IRF2: variants seen among roughly 807,000 people sequenced by gnomAD.
IRF2 encodes the protein interferon regulatory factor 2.
In IRF2, 15 loss-of-function variants were observed where a neutral mutation model predicts 40.6. That is an observed-to-expected ratio of 0.37 (90% CI 0.25 to 0.57). The LOEUF (loss-of-function observed/expected upper bound fraction) is 0.57. Ranked by LOEUF, IRF2 falls within the 20% of genes least tolerant of loss-of-function variation. IRF2 has a pLI of 0.77. For synonymous variants in IRF2, 151 were observed against 165.5 expected (o/e 0.91, Z 0.67); for missense variants, 317 against 455.7 (o/e 0.70, Z 2.77).
chr4:184,399,967 C>T (rs1736609098), intron 6 of IRF2, among the ~76,000 whole-genome samples: 2 of 152,200 alleles, frequency 1.3e-5, no homozygotes, highest in Non-Finnish European at 2.9e-5. Flanking sequence ...TTATAGGCTA[C>T]AAAGCTAGAA....
chr4:184,462,154 G>A (rs993190688), intron 1 of IRF2, among the ~76,000 whole-genome samples: 7 of 152,180 alleles, frequency 4.6e-5, no homozygotes, highest in Admixed American at 4.6e-4. Flanking sequence ...TCTGTCAGTT[G>A]CAAATCCCCA....
intron 6 of IRF2, among the ~76,000 whole-genome samples, 192 bp downstream of exon 6, chr4:184,407,966 C>T (rs1178447717): frequency 8.3e-6 from 1 of 119,840 alleles, no homozygotes; most frequent in African/African-American, 3.7e-5. Flanking sequence ...GCTGACCCGT[C>T]TAAGTTCCTT....
At chr4:184,454,549 C>T (rs1360457097) in intron 1 of IRF2, among the ~76,000 whole-genome samples, 1 of 152,184 alleles carries the variant, frequency 6.6e-6, no homozygotes, top group Non-Finnish European at 1.5e-5. Flanking sequence ...TGGAAGATAC[C>T]TACTGCCTCT....
At chr4:184,473,618 AGGCCCGGCGCCC>A (rs1739609676) in intron 1 of IRF2, among the ~76,000 whole-genome samples, 1 of 147,232 alleles carries the variant, frequency 6.8e-6, no homozygotes, top group East Asian at 2.0e-4. Flanking sequence ...CGCGTCGGCC[AGGCCCGGCGCCC>A]GGCCCGGCTC....
At chr4:184,461,817 C>T (rs914066574) in intron 1 of IRF2, among the ~76,000 whole-genome samples, 1 of 152,004 alleles carries the variant, frequency 6.6e-6, no homozygotes, top group African/African-American at 2.4e-5. Flanking sequence ...TTCAATTCAC[C>T]CTGACTTCAC....
At chr4:184,462,765 C>T (rs959813398) in intron 1 of IRF2, among the ~76,000 whole-genome samples, 4 of 152,166 alleles carry the variant, frequency 2.6e-5, no homozygotes, top group Non-Finnish European at 5.9e-5. Flanking sequence ...TACAAAGTAA[C>T]AAATCCTAAT....
intron 6 of IRF2, among the ~76,000 whole-genome samples, chr4:184,404,375 T>G (rs1456607478): frequency 6.6e-6 from 1 of 152,186 alleles, no homozygotes; most frequent in Non-Finnish European, 1.5e-5. Context: ...ATCAAATATA[T>G]TTTAATATGA....
chr4:184,407,176 A>G lies in IRF2; in HGVS notation c.529+982T>C, dbSNP rs529094182. On this transcript the variant is annotated intron_variant, in intron 6 of 8. Coordinates refer to ENST00000393593, the MANE Select transcript of IRF2 (RefSeq NM_002199.4). ...GTTTAAATACAAAAAAAGCACTGCT[A>G]ACCTCGGCAAGAGGCCAGCGGAGGC... 77 of 1,288,992 alleles carry G rather than the reference A, an allele frequency of 6.0e-5. No homozygotes were observed. The African/African-American group carries it at 1.1e-3, about 18-fold the overall frequency. 79.8% of individuals were successfully genotyped at this position (1,288,992 alleles called of 1,614,324 possible).
At chr4:184,418,402 C>T (rs868031476) in intron 4 of IRF2, 130 bp downstream of exon 4, 27 of 973,114 alleles carry the variant, frequency 2.8e-5, no homozygotes, top group African/African-American at 6.4e-5. Flanking sequence ...CAGGTAGGGG[C>T]GGAATGATCC....
chr4:184,451,095 T>C (rs1206233438), intron 1 of IRF2, among the ~76,000 whole-genome samples: 1 of 152,214 alleles, frequency 6.6e-6, no homozygotes, highest in Non-Finnish European at 1.5e-5. Flanking sequence ...ACGTGAGAAG[T>C]TGAAAAGCAC....
At chr4:184,397,993 G>C (rs1736528463) in intron 7 of IRF2, among the ~76,000 whole-genome samples, 1 of 152,180 alleles carries the variant, frequency 6.6e-6, no homozygotes, top group South Asian at 2.1e-4. Context: ...ATGTAGCCAA[G>C]TCCCTGGAGA....
At position 184,461,255 on chromosome 4, in the gene IRF2, C is replaced by T. The variant is rs978388390; in HGVS notation, c.-7+13124G>A. ...GAGAATTGTGGAAAAACAGAAAGAACAACAAAACAATATGTTGTTCTATGC... is the reference window on the plus strand; with the variant it reads ...GAGAATTGTGGAAAAACAGAAAGAATAACAAAACAATATGTTGTTCTATGC... On this transcript the variant is annotated intron_variant, in intron 1 of 8. Transcript: ENST00000393593. 4.6e-5 allele frequency among the ~76,000 whole-genome samples: 7 copies of T among 152,118 alleles called. No homozygotes were observed. The East Asian group carries it at 1.3e-3, about 29-fold the overall frequency.
chr4:184,410,800 G>T (rs976801615), intron 5 of IRF2, among the ~76,000 whole-genome samples: 5 of 152,112 alleles, frequency 3.3e-5, no homozygotes, highest in African/African-American at 1.2e-4. Context: ...AGACCTCTAA[G>T]TGTTACACAT....
rs1213487697 is a variant in IRF2, at chr4:184,448,507, A to T, written c.-6-19437T>A. ...AGACGGCCAAAGAGCTCTCGTGCGT[A>T]TTTGAGAGAAAAGCGCTCAGATTTA... On this transcript the variant is annotated intron_variant, in intron 1 of 8. Coordinates refer to ENST00000393593, the MANE Select transcript of IRF2 (RefSeq NM_002199.4). This position sits in a 1 kb window ranked among gnomAD's most constrained non-coding sequence, Gnocchi z 4.3. 1 of 152,216 alleles carries T rather than the reference A, an allele frequency of 6.6e-6. No homozygotes were observed. The highest frequency in any genetic ancestry group is 2.4e-5 in the African/African-American group (1 of 41,446). The allele number at this position is 152,216 out of a possible 1,614,324, so 9.4% of individuals were successfully genotyped here. A position where few individuals can be genotyped will look rare whatever the true frequency, so the allele number is the denominator to read the frequency against.
At chr4:184,416,399 A>C (rs1269429677) in intron 5 of IRF2, among the ~76,000 whole-genome samples, 2 of 129,984 alleles carry the variant, frequency 1.5e-5, no homozygotes, top group Admixed American at 7.2e-5. Context: ...GTTCAATTGT[A>C]AAAAAAAAAA....
chr4:184,443,946 C>A (rs1428780334), intron 1 of IRF2, among the ~76,000 whole-genome samples: 1 of 152,194 alleles, frequency 6.6e-6, no homozygotes, highest in Non-Finnish European at 1.5e-5. Flanking sequence ...TGGCAACATG[C>A]AAATTCCTAA....
chr4:184,429,381 C>A (rs553022602), intron 1 of IRF2, among the ~76,000 whole-genome samples: 1 of 152,206 alleles, frequency 6.6e-6, no homozygotes, highest in Non-Finnish European at 1.5e-5. Context: ...ATCCCCACTG[C>A]ACTGGCCGTG....
At chr4:184,440,439 G>A (rs1291020386) in intron 1 of IRF2, among the ~76,000 whole-genome samples, 1 of 152,228 alleles carries the variant, frequency 6.6e-6, no homozygotes. Flanking sequence ...GTTAACATGG[G>A]ATTCCAGCTC....
chr4:184,410,040 G>A (rs969162661), intron 5 of IRF2, among the ~76,000 whole-genome samples: 4 of 152,136 alleles, frequency 2.6e-5, no homozygotes, highest in Non-Finnish European at 2.9e-5. Flanking sequence ...CTGCCTTTCC[G>A]GACTTCGCCT....
Sources: gnomAD v4.1 joint callset for allele counts (sites outside exome capture counted in the v4.1 genomes callset) on GRCh38, gnomAD v4.1.1 for gene constraint, Gnocchi (gnomAD v3.1) non-coding constraint, MANE v1.5 for transcripts, NCBI Gene and HGNC (gene_info 2026-07-23, HGNC 2026-07-21) for gene names.